Variants in SLC6A20 observed in about 807,000 individuals in gnomAD.
SLC6A20 encodes solute carrier family 6 member 20.
SLC6A20 carries 73 observed loss-of-function variants against 64.3 expected under a neutral mutation model. That is an observed-to-expected ratio of 1.14 (90% CI 0.94 to 1.38). The LOEUF (loss-of-function observed/expected upper bound fraction) is 1.38. SLC6A20 is among the 40% of genes most tolerant of loss of function. SLC6A20 has a pLI of 0.00. For synonymous variants in SLC6A20, 347 were observed against 329.6 expected (o/e 1.05, Z -0.57); for missense variants, 725 against 772.8 (o/e 0.94, Z 0.73).
At chr3:45,779,972 C>T (rs1478801607) in intron 3 of SLC6A20, 37 bp downstream of exon 3, 1 of 1,563,934 alleles carries the variant, frequency 6.4e-7, no homozygotes, top group South Asian at 1.2e-5. Context: ...CCCTTTCTCG[C>T]TCCTACTCCT....
chr3:45,760,607 G>A (rs978286015), intron 9 of SLC6A20, among the ~76,000 whole-genome samples: 9 of 152,300 alleles, frequency 5.9e-5, no homozygotes, highest in African/African-American at 2.2e-4. Context: ...GAGTCCCAAA[G>A]GCGTTGCCCA....
At chr3:45,787,877 C>T (rs1043750043) in intron 1 of SLC6A20, among the ~76,000 whole-genome samples, 2 of 152,282 alleles carry the variant, frequency 1.3e-5, no homozygotes, top group Non-Finnish European at 2.9e-5. Context: ...TGGTGTATAG[C>T]GTAATGCTTG....
chr3:45,771,347 A>G lies in SLC6A20; in HGVS notation c.805T>C (p.Ser269Pro). ...LIAFASYNEP[S>P]NNCQKHAIIV... ...ATGGCGTGCTTCTGGCAGTTGTTGG[A>G]TGGCTCATTGTAGCTGGCGAAGGCG... The change falls in exon 6 of 11, where the codon TCC becomes CCC. Residue 269 changes from serine (S) to proline (P), a missense_variant. Physicochemically the swap from Ser to Pro is moderately conservative, Grantham distance 74 (BLOSUM62 -1). Transcript: ENST00000358525. The G allele has an allele frequency of 6.2e-7, 1 of 1,614,178 alleles. No individual in the cohort carries two copies. Among genetic ancestry groups the G allele is most frequent in the Admixed American group, 1.7e-5 (1 of 60,024 alleles).
chr3:45,782,152 C>CA lies in SLC6A20; in HGVS notation c.192dup (p.Val65CysfsTer67). On this transcript the variant is annotated frameshift_variant, in exon 2 of 11. Coordinates refer to ENST00000358525, the MANE Select transcript of SLC6A20 (RefSeq NM_020208.4). LOFTEE classifies it high-confidence loss of function. ...CTGCCCTGCCGCATGCGCTGCCCCA[C>CA]AGCCAGTTCCAGGTACAAGAGCGGC... is the stretch of plus-strand genomic sequence containing the variant. 1 of 1,613,958 alleles carries CA rather than the reference C, an allele frequency of 6.2e-7. No homozygotes were observed. Among genetic ancestry groups the CA allele is most frequent in the Non-Finnish European group, 8.5e-7 (1 of 1,179,930 alleles).
At chr3:45,775,329 G>A (rs1157324867) in intron 4 of SLC6A20, among the ~76,000 whole-genome samples, 1 of 152,106 alleles carries the variant, frequency 6.6e-6, no homozygotes, top group African/African-American at 2.4e-5. Context: ...AGAATTTTGG[G>A]GGGCGGGGCT....
Position 45,770,246 on chromosome 3 carries a change from T to C in SLC6A20, c.1061A>G (p.Gln354Arg), listed in dbSNP as rs1213157539. The C allele has an allele frequency of 3.1e-6, 5 of 1,614,102 alleles. No homozygotes were observed. The highest frequency in any genetic ancestry group is 2.2e-5 in the East Asian group (1 of 44,906). ...YPSKYSEMFP[Q>R]IKNCSLESEL... is the part of the protein sequence containing the mutation. ...CGATTCCAAGCTGCAGTTTTTGATT[T>C]GCGGGAACATCTCGCTGTATTTGCT... Residue 354 changes from glutamine to arginine, a missense_variant, in exon 7 of 11, where the codon CAA becomes CGA. Physicochemically the swap from Gln to Arg is conservative, Grantham distance 43. Coordinates refer to ENST00000358525, the MANE Select transcript of SLC6A20 (RefSeq NM_020208.4).
chr3:45,758,505 C>A lies in SLC6A20; in HGVS notation c.*473G>T. On this transcript the variant is annotated 3_prime_UTR_variant, in exon 11 of 11. Coordinates refer to ENST00000358525, the MANE Select transcript of SLC6A20 (RefSeq NM_020208.4). ...CAGAAATTGCATATTCACTACAACT[C>A]AAAAAAGAAGAGAATTAATTTTGCA... is the stretch of plus-strand genomic sequence containing the variant. The A allele has an allele frequency of 4.2e-6, 5 of 1,193,010 alleles. No individual in the cohort carries two copies. The highest frequency in any genetic ancestry group is 7.0e-5 in the Admixed American group (2 of 28,378). 73.9% of individuals were successfully genotyped at this position (1,193,010 alleles called of 1,614,324 possible).
chr3:45,782,534 A>G (rs1029372207), intron 1 of SLC6A20, among the ~76,000 whole-genome samples: 2 of 150,882 alleles, frequency 1.3e-5, no homozygotes, highest in African/African-American at 4.9e-5. Context: ...CCATCCTTCC[A>G]TCTATCCACC....
chr3:45,786,318 C>G (rs1271314545), intron 1 of SLC6A20, among the ~76,000 whole-genome samples: 5 of 152,228 alleles, frequency 3.3e-5, no homozygotes, highest in Non-Finnish European at 7.3e-5. Context: ...CTCTAGCTCA[C>G]AAGCCCACAA....
At chr3:45,776,010 T>C in intron 3 of SLC6A20, 22 bp from the exon 4 acceptor site, 1 of 1,611,352 alleles carries the variant, frequency 6.2e-7, no homozygotes, top group East Asian at 2.2e-5. Flanking sequence ...AAGCAAGTGT[T>C]ATCCAGGGAG....
chr3:45,783,745 C>T (rs1277238317), intron 1 of SLC6A20, among the ~76,000 whole-genome samples: 1 of 152,254 alleles, frequency 6.6e-6, no homozygotes, highest in Non-Finnish European at 1.5e-5. Context: ...GATGAGTGCC[C>T]ACACCACCAG....
chr3:45,762,905 C>T lies in SLC6A20; in HGVS notation c.1463+8G>A. 1.2e-6 allele frequency: 2 copies of T among 1,613,932 alleles called. No individual in the cohort carries two copies. ...CCCTATGCAAATGAGGGTCCTGGGC[C>T]TCCTCACCTCCTCAGCCCGTACACG... On this transcript the variant is annotated splice_region_variant and intron_variant, in intron 9 of 10. Coordinates refer to ENST00000358525, the MANE Select transcript of SLC6A20 (RefSeq NM_020208.4).
Position 45,780,086 on chromosome 3 carries a change from C to T in SLC6A20, c.277G>A (p.Val93Met), listed in dbSNP as rs1178646964. 1.9e-6 allele frequency: 3 copies of T among 1,595,230 alleles called. No individual in the cohort carries two copies. Among genetic ancestry groups the T allele is most frequent in the South Asian group, 1.1e-5 (1 of 87,684 alleles). ...TACATGGAGAGGAAGAAAGAGACCA[C>T]CACGCTGGCGACCCCTGCGAGGAAG... ...YLSGVGVASV[V>M]VSFFLSMYYN... Residue 93 changes from valine (V) to methionine (M), a missense_variant, in exon 3 of 11, where the codon GTG (valine) becomes ATG (methionine). Transcript: ENST00000358525.
rs1019148006 is a variant in SLC6A20 at position 45,755,692 on chromosome 3, G to T, written c.*3286C>A. 2 of 152,604 alleles carry T rather than the reference G, an allele frequency of 1.3e-5. No homozygotes were observed. Among genetic ancestry groups the T allele is most frequent in the African/African-American group, 2.4e-5 (1 of 41,438 alleles). The allele number at this position is 152,604 out of a possible 1,614,324, so 9.5% of individuals were successfully genotyped here. ...GACAAATGTCGACATGGCCACTTTT[G>T]TGCAGTATCTAGGAAATGGCAAAGA... On this transcript the variant is annotated 3_prime_UTR_variant, in exon 11 of 11. Transcript: ENST00000358525.
chr3:45,765,611 T>C lies in SLC6A20; in HGVS notation c.1229A>G (p.Asn410Ser), dbSNP rs753784931. ...CAGAGGGGTGAGGATGGCCGCTGTG[T>C]TCCCCAGCATGCTCCCAATGCCCAG... ...LMLGIGSMLG[N>S]TAAILTPLTD... is the part of the protein sequence containing the mutation. The change falls in exon 8 of 11, where the codon AAC becomes AGC. Residue 410 changes from asparagine to serine, a missense_variant. Physicochemically the swap from Asn to Ser is conservative, Grantham distance 46. Transcript: ENST00000358525. This position sits in a 1 kb window ranked among gnomAD's most constrained non-coding sequence, Gnocchi z 4.2. The C allele has an allele frequency of 2.5e-6, 4 of 1,614,140 alleles. No individual in the cohort carries two copies. The highest frequency in any genetic ancestry group is 3.4e-6 in the Non-Finnish European group (4 of 1,180,018).
At position 45,763,001 on chromosome 3, in the gene SLC6A20, T is replaced by C. The variant is rs760794615; in HGVS notation, c.1375A>G (p.Ile459Val). 7 of 1,614,104 alleles carry C rather than the reference T, an allele frequency of 4.3e-6. No homozygotes were observed. Among genetic ancestry groups the C allele is most frequent in the Non-Finnish European group, 5.9e-6 (7 of 1,180,018 alleles). ...TMEAGNYWFD[I>V]FNDYAATLSL... ...AGTGTGGCCGCGTAGTCGTTGAATA[T>C]GTCAAACCAGTAGTTCCCAGCCTCC... Residue 459 changes from isoleucine to valine, a missense_variant, in exon 9 of 11, where the codon ATA becomes GTA. By Grantham distance (29) the Ile-to-Val change is conservative. Coordinates refer to ENST00000358525, the MANE Select transcript of SLC6A20 (RefSeq NM_020208.4).
chr3:45,796,487 C>T lies in SLC6A20; in HGVS notation c.-68G>A. The T allele has an allele frequency of 6.7e-7, 1 of 1,501,878 alleles. No individual in the cohort carries two copies. Among genetic ancestry groups the T allele is most frequent in the Non-Finnish European group, 8.9e-7 (1 of 1,122,680 alleles). The allele number at this position is 1,501,878 out of a possible 1,614,324, so 93.0% of individuals were successfully genotyped here. A position where few individuals can be genotyped will look rare whatever the true frequency, so the allele number is the denominator to read the frequency against. On this transcript the variant is annotated 5_prime_UTR_variant, in exon 1 of 11. Coordinates refer to ENST00000358525, the MANE Select transcript of SLC6A20 (RefSeq NM_020208.4). Reference sequence around the variant, plus strand: ...CACGGCAGTCTCAGTGCGCGGTCGCCAGGCGCGCCGTCCCACCCCGGCTCG... The same window carrying T: ...CACGGCAGTCTCAGTGCGCGGTCGCTAGGCGCGCCGTCCCACCCCGGCTCG...
intron 1 of SLC6A20, among the ~76,000 whole-genome samples, chr3:45,784,879 G>A (rs1390723182): frequency 6.6e-6 from 1 of 152,130 alleles, no homozygotes; most frequent in African/African-American, 2.4e-5. Flanking sequence ...GAGGGCAAGA[G>A]GGAGCAAAGG....
intron 4 of SLC6A20, among the ~76,000 whole-genome samples, chr3:45,773,100 G>T (rs1222855419): frequency 3.9e-5 from 6 of 151,960 alleles, no homozygotes; most frequent in Non-Finnish European, 8.8e-5. Context: ...GAGCTTCCTG[G>T]TGGCCTACAC....
Sources: allele counts gnomAD v4.1 joint callset (sites outside exome capture counted in the v4.1 genomes callset), GRCh38; gene constraint gnomAD v4.1.1; non-coding constraint Gnocchi (gnomAD v3.1); transcripts MANE v1.5; gene names NCBI Gene and HGNC (gene_info 2026-07-23, HGNC 2026-07-21).